KLHL4: variants seen among roughly 807,000 people sequenced by gnomAD.
The protein encoded by KLHL4 is kelch-like protein 4.
In KLHL4, 17 loss-of-function variants were observed where a neutral mutation model predicts 45.8. The ratio of observed to expected loss-of-function variants is 0.37; its 90% CI spans 0.25 to 0.56. The LOEUF (loss-of-function observed/expected upper bound fraction) is 0.56, where lower values mean the gene tolerates loss of function less well. KLHL4 is among the 20% of genes least tolerant of loss of function. The probability of loss-of-function intolerance (pLI) is 0.79; values close to 1 mark genes in which losing one functional copy is unlikely to be tolerated. For synonymous variants in KLHL4, 224 were observed against 189.9 expected (o/e 1.18, Z -1.47); for missense variants, 544 against 544.9 (o/e 1.00, Z 0.02).
At chrX:87,608,022 C>T (rs11796661) in intron 1 of KLHL4, among the ~76,000 whole-genome samples, 20,884 of 111,035 alleles carry the variant, frequency 0.19, 1,461 homozygotes, top group Non-Finnish European at 0.21. Flanking sequence ...ATGATTACTA[C>T]ACCTATCCTT....
intron 9 of KLHL4, among the ~76,000 whole-genome samples, chrX:87,656,758 C>T (rs1389405989): frequency 9.0e-6 from 1 of 111,006 alleles, no homozygotes; most frequent in Non-Finnish European, 1.9e-5. Context: ...TATTATAACG[C>T]CCTGTTCTTT....
chrX:87,659,876 G>A (rs922308219), intron 9 of KLHL4, among the ~76,000 whole-genome samples: 15 of 110,906 alleles, frequency 1.4e-4, no homozygotes, highest in Non-Finnish European at 2.6e-4. Context: ...TTCTGTGCCT[G>A]AGGTCAGCTC....
intron 6 of KLHL4, among the ~76,000 whole-genome samples, chrX:87,629,747 G>A (rs188891442): frequency 9.0e-6 from 1 of 111,480 alleles, no homozygotes; most frequent in Non-Finnish European, 1.9e-5. Context: ...AGGAAGATTG[G>A]GATGAGGAAA....
At chrX:87,625,103 T>C (rs767998159) in intron 5 of KLHL4, among the ~76,000 whole-genome samples, 7 of 112,804 alleles carry the variant, frequency 6.2e-5, no homozygotes, top group Non-Finnish European at 3.7e-5. Flanking sequence ...TTTCTATGAG[T>C]GCTTTTTGAT....
At chrX:87,617,231 G>A (rs1365721710) in intron 3 of KLHL4, among the ~76,000 whole-genome samples, 1 of 107,194 alleles carries the variant, frequency 9.3e-6, no homozygotes, top group Non-Finnish European at 1.9e-5. Flanking sequence ...TTATAACAAA[G>A]CAAATAAGTA....
chrX:87,611,684 T>TATACTATACC (rs1164077805), intron 1 of KLHL4, among the ~76,000 whole-genome samples: 1 of 110,289 alleles, frequency 9.1e-6, no homozygotes, highest in African/African-American at 3.3e-5. Context: ...TATACTATAC[T>TATACTATACC]ATACTATACT....
intron 1 of KLHL4, among the ~76,000 whole-genome samples, chrX:87,603,142 C>T (rs1922072204): frequency 9.0e-6 from 1 of 111,519 alleles, no homozygotes; most frequent in African/African-American, 3.3e-5. Flanking sequence ...TTAATTGAGA[C>T]TACCTCTGTG....
chrX:87,647,986 T>C (rs1438444641), intron 9 of KLHL4, among the ~76,000 whole-genome samples: 1 of 111,575 alleles, frequency 9.0e-6, no homozygotes, highest in Non-Finnish European at 1.9e-5. Flanking sequence ...CAGAAATTAA[T>C]AATATAATTC....
At chrX:87,632,109 A>G (rs918945107) in intron 6 of KLHL4, 101 bp from the exon 7 acceptor site, 5 of 474,355 alleles carry the variant, frequency 1.1e-5, no homozygotes, top group Non-Finnish European at 1.8e-5. Context: ...AATCACTGAT[A>G]CTGTGCTGTA....
chrX:87,541,209 A>G (rs760345487), intron 1 of KLHL4, among the ~76,000 whole-genome samples: 2 of 109,336 alleles, frequency 1.8e-5, no homozygotes, highest in African/African-American at 6.7e-5. Flanking sequence ...AGTTTTGGCC[A>G]GGCACGGTGG....
At chrX:87,519,760 T>TA (rs1930965126) in intron 1 of KLHL4, among the ~76,000 whole-genome samples, 1 of 112,077 alleles carries the variant, frequency 8.9e-6, no homozygotes, top group African/African-American at 3.2e-5. Context: ...GAACAATTTT[T>TA]AAAAAACTGC....
chrX:87,541,939 C>A lies in KLHL4; in HGVS notation c.422+23624C>A, dbSNP rs1233191019. 5.4e-5 allele frequency among the ~76,000 whole-genome samples: 6 copies of A among 111,730 alleles called. No individual in the cohort carries two copies. In the East Asian group the frequency reaches 1.7e-3, roughly 32 times the overall value. ...AACGAAGTCCAGGCTGAGGTAGTCCCAGATAGAGATGCGGAACTCATTGGG... is the reference window on the plus strand; with the variant it reads ...AACGAAGTCCAGGCTGAGGTAGTCCAAGATAGAGATGCGGAACTCATTGGG... On this transcript the variant is annotated intron_variant, in intron 1 of 10. Transcript: ENST00000373119.
intron 1 of KLHL4, among the ~76,000 whole-genome samples, chrX:87,547,542 T>C (rs962428168): frequency 4.5e-5 from 5 of 110,983 alleles, no homozygotes; most frequent in African/African-American, 1.6e-4. Context: ...AAAACAATTG[T>C]CCAGGCACGG....
At chrX:87,613,734 A>T in intron 1 of KLHL4, 143 bp from the exon 2 acceptor site, 1 of 391,534 alleles carries the variant, frequency 2.6e-6, no homozygotes, top group Non-Finnish European at 4.3e-6. Context: ...AACAGATTTT[A>T]ATTTTACTTT....
In KLHL4 at chrX:87,669,565, C is replaced by T. The variant is rs1199454568; in HGVS notation, c.*3031C>T. The T allele has an allele frequency of 1.7e-5, 8 of 463,197 alleles. No individual in the cohort carries two copies. The highest frequency in any genetic ancestry group is 2.6e-5 in the Non-Finnish European group (8 of 309,243). 38.2% of individuals were successfully genotyped at this position (463,197 alleles called of 1,213,427 possible). A position where few individuals can be genotyped will look rare whatever the true frequency, so the allele number is the denominator to read the frequency against. On this transcript the variant is annotated 3_prime_UTR_variant, in exon 11 of 11. Coordinates refer to ENST00000373119, the MANE Select transcript of KLHL4 (RefSeq NM_019117.5). ...CTGGATTTTATTTTAAGTTCTCTAA[C>T]AAGACTCCTACCTTGAGATCTTAGT... is the stretch of plus-strand genomic sequence containing the variant.
rs372023861 is a variant in KLHL4 at position 87,622,435 on chromosome X, T to C, written c.1137+12T>C. ...TACTCCCACCACAGGTATGGAAAAT[T>C]ACCTAGGTAATTTAAAATATAGTTC... On this transcript the variant is annotated intron_variant, in intron 5 of 10. Coordinates refer to ENST00000373119, the MANE Select transcript of KLHL4 (RefSeq NM_019117.5). The C allele has an allele frequency of 9.1e-7, 1 of 1,101,236 alleles. No individual in the cohort carries two copies. Among genetic ancestry groups the C allele is most frequent in the African/African-American group, 1.8e-5 (1 of 54,586 alleles). The allele number at this position is 1,101,236 out of a possible 1,213,427, so 90.8% of individuals were successfully genotyped here.
intron 1 of KLHL4, among the ~76,000 whole-genome samples, chrX:87,564,448 T>A (rs1358669400): frequency 9.0e-6 from 1 of 111,249 alleles, no homozygotes; most frequent in African/African-American, 3.3e-5. Flanking sequence ...AAAGATTCAC[T>A]TTTAGATCAA....
chrX:87,518,201 A>T lies in KLHL4; in HGVS notation c.308A>T (p.Asn103Ile), dbSNP rs767998879. Residue 103 changes from asparagine to isoleucine, a missense_variant, in exon 1 of 11, where the codon AAT (asparagine) becomes ATT (isoleucine). Transcript: ENST00000373119. ...AATCTGATAGTACATTTTCAAGCAA[A>T]TGAAGATACTCCTAAATCAGTTCCA... ...QHNLIVHFQA[N>I]EDTPKSVPEK... is the part of the protein sequence containing the mutation. The T allele has an allele frequency of 8.3e-7, 1 of 1,211,586 alleles. No individual in the cohort carries two copies. The highest frequency in any genetic ancestry group is 1.7e-5 in the African/African-American group (1 of 57,904).
At chrX:87,552,736 A>C (rs1257179548) in intron 1 of KLHL4, among the ~76,000 whole-genome samples, 1 of 107,860 alleles carries the variant, frequency 9.3e-6, no homozygotes, top group Non-Finnish European at 1.9e-5. Flanking sequence ...CTCACTTATT[A>C]GTAGGAGGTA....
Sources: gnomAD v4.1 joint callset for allele counts (sites outside exome capture counted in the v4.1 genomes callset) on GRCh38, gnomAD v4.1.1 for gene constraint, MANE v1.5 for transcripts, NCBI Gene and HGNC (gene_info 2026-07-23, HGNC 2026-07-21) for gene names.